STRBP: variants seen among roughly 807,000 people sequenced by gnomAD.
STRBP encodes spermatid perinuclear RNA-binding protein.
STRBP carries 13 observed loss-of-function variants against 80.1 expected under a neutral mutation model. The ratio of observed to expected loss-of-function variants is 0.16; its 90% CI spans 0.11 to 0.26. STRBP has a LOEUF of 0.26. Among genes scored for constraint, STRBP ranks in the 10% least tolerant of loss-of-function variants. The probability of loss-of-function intolerance (pLI) is 1.00; values close to 1 mark genes in which losing one functional copy is unlikely to be tolerated. For missense variants in STRBP, 485 were observed against 815.2 expected (o/e 0.59, Z 4.93); for synonymous variants, 284 against 291.2 (o/e 0.98, Z 0.25).
intron 2 of STRBP, among the ~76,000 whole-genome samples, chr9:123,203,344 C>T (rs2039394313): frequency 6.7e-6 from 1 of 148,354 alleles, no homozygotes; most frequent in African/African-American, 2.4e-5. Flanking sequence ...AGATCCCATC[C>T]CTAAAAAAGA....
chr9:123,177,867 G>A lies in STRBP; in HGVS notation c.224+1140C>T, dbSNP rs111377805. On this transcript the variant is annotated intron_variant, in intron 4 of 18. Transcript: ENST00000348403. ...AAAGTGCAACTTAAATCTGGAATAC[G>A]TGACTATTTAACTTGCACAGGAGCT... Among the ~76,000 whole-genome samples the A allele has an allele frequency of 3.6e-3, 547 of 152,240 alleles. 2 individuals carry two copies. The highest frequency in any genetic ancestry group is 0.012 in the African/African-American group (494 of 41,540).
At position 123,121,761 on chromosome 9, in the gene STRBP, T is replaced by G. The variant is rs1385530999; in HGVS notation, c.*3836A>C. On this transcript the variant is annotated 3_prime_UTR_variant, in exon 19 of 19. Transcript: ENST00000348403. ...TTGGCACTTTGATCCTCAGCTTGTG[T>G]AACAGCTTACACATACAGATCCTAC... The G allele has an allele frequency of 6.6e-6, 1 of 152,208 alleles. No homozygotes were observed. Among genetic ancestry groups the G allele is most frequent in the African/African-American group, 2.4e-5 (1 of 41,422 alleles). The allele number at this position is 152,208 out of a possible 1,614,324, so 9.4% of individuals were successfully genotyped here.
chr9:123,222,826 T>C (rs751133477), intron 2 of STRBP, among the ~76,000 whole-genome samples: 31 of 152,322 alleles, frequency 2.0e-4, no homozygotes, highest in Non-Finnish European at 3.7e-4. Context: ...CAATCTACTT[T>C]TACAATATGA....
rs748572630 is a variant in STRBP, at chr9:123,125,645, G to C, written c.1971C>G (p.Pro657=). 1 of 1,613,270 alleles carries C rather than the reference G, an allele frequency of 6.2e-7. No homozygotes were observed. Among genetic ancestry groups the C allele is most frequent in the African/African-American group, 1.3e-5 (1 of 74,856 alleles). Residue 657 remains proline (P), a synonymous_variant, in exon 19 of 19, where the codon CCC becomes CCG. Coordinates refer to ENST00000348403, the MANE Select transcript of STRBP (RefSeq NM_018387.5). The part of the protein sequence containing the change: ...YGLPKRMVLL[P]VMKFPTYPVP... Reference sequence around the variant, plus strand: ...CAGGATATGTTGGAAATTTCATAACGGGTAACAGAACCATTCTCTTGGGTA... The same window carrying C: ...CAGGATATGTTGGAAATTTCATAACCGGTAACAGAACCATTCTCTTGGGTA...
intron 1 of STRBP, among the ~76,000 whole-genome samples, chr9:123,264,530 C>T (rs1018202740): frequency 5.3e-5 from 8 of 152,176 alleles, no homozygotes; most frequent in African/African-American, 9.7e-5. Context: ...CATCTATCCC[C>T]GTATTTACGT....
In STRBP at chr9:123,137,069, A is replaced by G. The variant is rs1015618729; in HGVS notation, c.1498-554T>C. On this transcript the variant is annotated intron_variant, in intron 14 of 18. Coordinates refer to ENST00000348403, the MANE Select transcript of STRBP (RefSeq NM_018387.5). The stretch of plus-strand genomic sequence containing the variant: ...ATAAAGGCAGTCACTCTCTGCCCTC[A>G]AGGAGCTAGAGTGTAGTGGGAGGGA... 2.6e-5 allele frequency among the ~76,000 whole-genome samples: 4 copies of G among 152,338 alleles called. No homozygotes were observed. In the East Asian group the frequency reaches 7.7e-4, roughly 29 times the overall value.
At chr9:123,150,589 AAATT>A (rs113795491) in intron 11 of STRBP, among the ~76,000 whole-genome samples, 7 of 152,300 alleles carry the variant, frequency 4.6e-5, no homozygotes, top group African/African-American at 1.4e-4. Context: ...TTAAATAAAT[AAATT>A]AATTAATTAA....
At chr9:123,127,824 C>T (rs1330890823) in intron 18 of STRBP, among the ~76,000 whole-genome samples, 1 of 152,212 alleles carries the variant, frequency 6.6e-6, no homozygotes, top group Non-Finnish European at 1.5e-5. Context: ...AAGTTACCCA[C>T]AACTCACACG....
chr9:123,255,764 T>C (rs2041014656), intron 1 of STRBP, among the ~76,000 whole-genome samples: 1 of 152,194 alleles, frequency 6.6e-6, no homozygotes, highest in African/African-American at 2.4e-5. Context: ...TGCACATCCT[T>C]TCTAAAGAGA....
chr9:123,258,578 C>T (rs1244943160), intron 1 of STRBP, among the ~76,000 whole-genome samples: 5 of 152,064 alleles, frequency 3.3e-5, no homozygotes, highest in Middle Eastern at 3.4e-3. Flanking sequence ...CCAAGGCGGG[C>T]GGATCACGAG....
chr9:123,209,125 T>C (rs1010874510), intron 2 of STRBP, among the ~76,000 whole-genome samples: 11 of 152,190 alleles, frequency 7.2e-5, no homozygotes, highest in South Asian at 2.1e-4. Flanking sequence ...TTCTGTTAAG[T>C]TTCATAATTG....
chr9:123,124,163 C>T lies in STRBP; in HGVS notation c.*1434G>A. Reference sequence around the variant, plus strand: ...CATACATTTGCCATATTTTGTGAAGCCCATTCTCATGGATGGGCCCTGTCA... The same window carrying T: ...CATACATTTGCCATATTTTGTGAAGTCCATTCTCATGGATGGGCCCTGTCA... On this transcript the variant is annotated 3_prime_UTR_variant, in exon 19 of 19. Transcript: ENST00000348403. The T allele has an allele frequency of 4.1e-6, 4 of 985,370 alleles. No individual in the cohort carries two copies. Among genetic ancestry groups the T allele is most frequent in the Non-Finnish European group, 4.8e-6 (4 of 829,926 alleles). 61.0% of individuals were successfully genotyped at this position (985,370 alleles called of 1,614,324 possible).
chr9:123,134,493 A>G (rs2036273402), intron 16 of STRBP, among the ~76,000 whole-genome samples: 1 of 152,238 alleles, frequency 6.6e-6, no homozygotes, highest in African/African-American at 2.4e-5. Flanking sequence ...TTTCTCTGAA[A>G]TAAACCAACC....
intron 1 of STRBP, among the ~76,000 whole-genome samples, chr9:123,246,510 T>G (rs2040803092): frequency 6.6e-6 from 1 of 152,224 alleles, no homozygotes; most frequent in African/African-American, 2.4e-5. Flanking sequence ...GTTTGGAGTT[T>G]CATTGGGGTT....
intron 1 of STRBP, among the ~76,000 whole-genome samples, chr9:123,248,261 GTTTTTTTTTTT>G (rs1223848724): frequency 2.7e-5 from 2 of 75,414 alleles, no homozygotes; most frequent in African/African-American, 5.6e-5. Context: ...CCCCTATCGT[GTTTTTTTTTTT>G]TTTTTTTTTT....
At chr9:123,190,715 CT>C (rs1479432349) in intron 2 of STRBP, among the ~76,000 whole-genome samples, 2 of 152,204 alleles carry the variant, frequency 1.3e-5, no homozygotes, top group African/African-American at 4.8e-5. Context: ...CTAAAATATA[CT>C]GAATGAGCCA....
intron 2 of STRBP, chr9:123,212,676 A>T (rs1238623943): frequency 2.0e-5 from 3 of 152,272 alleles, no homozygotes; most frequent in African/African-American, 7.2e-5. Context: ...CAGGATAAGA[A>T]CATTGAAGAC....
intron 4 of STRBP, among the ~76,000 whole-genome samples, chr9:123,174,080 T>C (rs2038118767): frequency 6.6e-6 from 1 of 152,254 alleles, no homozygotes; most frequent in South Asian, 2.1e-4. Context: ...ACTACATTTA[T>C]ATTGCTTAAG....
At chr9:123,147,318 T>G (rs1210065342) in intron 12 of STRBP, among the ~76,000 whole-genome samples, 1 of 152,134 alleles carries the variant, frequency 6.6e-6, no homozygotes, top group Non-Finnish European at 1.5e-5. Context: ...AACAAAAAAG[T>G]TATCCAATTA....
Sources: allele counts gnomAD v4.1 joint callset (sites outside exome capture counted in the v4.1 genomes callset), GRCh38; gene constraint gnomAD v4.1.1; transcripts MANE v1.5; gene names NCBI Gene and HGNC (gene_info 2026-07-23, HGNC 2026-07-21).